The following TBPL2 variants were observed in gnomAD, a reference collection of about 807,000 sequenced individuals.
The protein encoded by TBPL2 is TATA box-binding protein-like 2.
A neutral mutation model predicts 38.2 loss-of-function variants in TBPL2; 40 were observed. The ratio of observed to expected loss-of-function variants is 1.05; its 90% CI spans 0.81 to 1.36. The LOEUF is 1.36. Among genes scored for constraint, TBPL2 ranks in the 40% most tolerant of loss-of-function variants. The pLI, the probability that TBPL2 is intolerant of heterozygous loss-of-function variation, is 0.00. For missense variants in TBPL2, 461 were observed against 456.7 expected, an observed-to-expected ratio of 1.01 and a Z score of -0.09; for synonymous variants, 169 against 171.7, an observed-to-expected ratio of 0.98 and a Z score of 0.12.
rs924710604 is a variant in TBPL2, at chr14:55,417,488, C to T, written c.1052-3033G>A. On this transcript the variant is annotated intron_variant, in intron 6 of 6. Coordinates refer to ENST00000247219, the Ensembl canonical transcript of TBPL2. The stretch of plus-strand genomic sequence containing the variant: ...AAAAAAAAAAAAAAAAAGTCTCGCT[C>T]GGTCACCCAGGCTGGAGTGCTGTGG... Among the ~76,000 whole-genome samples, 57 of 145,858 alleles carry T rather than the reference C, an allele frequency of 3.9e-4. 1 individual carries two copies. Among genetic ancestry groups the T allele is most frequent in the Non-Finnish European group, 9.0e-5 (6 of 66,978 alleles).
intron 3 of TBPL2, among the ~76,000 whole-genome samples, chr14:55,435,183 A>AT (rs1566594912): frequency 6.6e-6 from 1 of 152,254 alleles, no homozygotes; most frequent in Non-Finnish European, 1.5e-5. Context: ...GGAAAGATAC[A>AT]TAAGTGTCAG....
chr14:55,425,734 C>G (rs1206797641), intron 5 of TBPL2, among the ~76,000 whole-genome samples: 2 of 152,226 alleles, frequency 1.3e-5, no homozygotes, highest in African/African-American at 2.4e-5. Flanking sequence ...TACCCACCCC[C>G]AATTACATTA....
intron 3 of TBPL2, among the ~76,000 whole-genome samples, chr14:55,435,333 T>C (rs931453178): frequency 1.3e-5 from 2 of 150,712 alleles, no homozygotes; most frequent in Non-Finnish European, 2.9e-5. Flanking sequence ...TGGAATGTAA[T>C]GGCATGATCT....
At chr14:55,432,381 C>G (rs924192475) in intron 4 of TBPL2, among the ~76,000 whole-genome samples, 1 of 151,020 alleles carries the variant, frequency 6.6e-6, no homozygotes, top group Non-Finnish European at 1.5e-5. Flanking sequence ...CCACTGCACT[C>G]CATCCTGGAT....
intron 4 of TBPL2, among the ~76,000 whole-genome samples, chr14:55,431,109 A>G (rs1885918247): frequency 6.6e-6 from 1 of 152,252 alleles, no homozygotes; most frequent in African/African-American, 2.4e-5. Context: ...CTACGCAAAC[A>G]CAGGTATCCC....
intron 6 of TBPL2, among the ~76,000 whole-genome samples, chr14:55,414,815 G>A (rs181611576): frequency 1.1e-3 from 161 of 152,252 alleles, no homozygotes; most frequent in Admixed American, 6.7e-3. Context: ...TTTGATCCAC[G>A]TCCTCTCTAG....
chr14:55,424,684 T>C (rs1566591722), intron 5 of TBPL2, among the ~76,000 whole-genome samples: 1 of 152,244 alleles, frequency 6.6e-6, no homozygotes, highest in Non-Finnish European at 1.5e-5. Context: ...TTTTAGCAGA[T>C]AGAACCTAAA....
intron 6 of TBPL2, among the ~76,000 whole-genome samples, chr14:55,422,957 A>G (rs1043612099): frequency 2.6e-5 from 4 of 152,192 alleles, no homozygotes; most frequent in Non-Finnish European, 4.4e-5. Flanking sequence ...AAAAAGTGCT[A>G]TTTATGCAAA....
At chr14:55,436,016 T>A in intron 2 of TBPL2, 82 bp from the exon 3 acceptor site, 1 of 884,706 alleles carries the variant, frequency 1.1e-6, no homozygotes, top group Non-Finnish European at 1.7e-6. Context: ...TCTCATTTCT[T>A]AGGTTATACC....
At chr14:55,440,098 A>AAATCAATC (rs373713383) in intron 1 of TBPL2, among the ~76,000 whole-genome samples, 1,855 of 151,346 alleles carry the variant, frequency 0.012, 39 homozygotes, top group African/African-American at 0.042. Context: ...TCTCAGAGAA[A>AAATCAATC]AATCAATCAA....
intron 4 of TBPL2, 37 bp from the exon 5 acceptor site, chr14:55,429,011 C>A: frequency 6.2e-7 from 1 of 1,608,224 alleles, no homozygotes; most frequent in Non-Finnish European, 8.5e-7. Flanking sequence ...ATGTCTTAAT[C>A]GCTACATCCT....
At chr14:55,424,403 A>C (rs991175017) in intron 5 of TBPL2, 150 bp from the exon 6 acceptor site, 1 of 555,604 alleles carries the variant, frequency 1.8e-6, no homozygotes, top group Admixed American at 3.2e-5. Context: ...CTTGATGAAG[A>C]GTCTTGAGTG....
chr14:55,436,291 C>T (rs1192659157), intron 2 of TBPL2, among the ~76,000 whole-genome samples: 4 of 152,208 alleles, frequency 2.6e-5, no homozygotes, highest in African/African-American at 9.7e-5. Flanking sequence ...TCAGCAACTA[C>T]AGTGCTGTAG....
chr14:55,438,796 T>C (rs1243613037), intron 1 of TBPL2: 6 of 152,288 alleles, frequency 3.9e-5, no homozygotes, highest in African/African-American at 1.4e-4. Context: ...TCCACTTACC[T>C]TTCTCAGAAC....
At chr14:55,424,166 C>T (rs1885785255) in exon 6 of TBPL2, 4 of 1,611,676 alleles carry the variant, frequency 2.5e-6, no homozygotes, top group Non-Finnish European at 3.4e-6. Flanking sequence ...TACCTGTCAA[C>T]ACAACTTTTC....
chr14:55,439,037 A>G (rs2140182451), intron 1 of TBPL2: 1 of 151,252 alleles, frequency 6.6e-6, no homozygotes, highest in African/African-American at 2.4e-5. Context: ...TCCTGGATGC[A>G]AGCAATTCTC....
intron 4 of TBPL2, 120 bp from the exon 5 acceptor site, chr14:55,429,094 G>C: frequency 1.6e-6 from 2 of 1,270,150 alleles, no homozygotes; most frequent in Non-Finnish European, 2.2e-6. Context: ...CTATGAAGCT[G>C]TAGGCTTTGT....
At chr14:55,415,754 T>C (rs1885659169) in intron 6 of TBPL2, among the ~76,000 whole-genome samples, 1 of 151,624 alleles carries the variant, frequency 6.6e-6, no homozygotes, top group Non-Finnish European at 1.5e-5. Context: ...TCATCCTAGC[T>C]ATTTGGGAGG....
At chr14:55,427,821 C>T (rs896219806) in intron 5 of TBPL2, among the ~76,000 whole-genome samples, 1 of 141,018 alleles carries the variant, frequency 7.1e-6, no homozygotes, top group African/African-American at 3.0e-5. Context: ...GTGTTGCGGG[C>T]TGCAGCTATA....
Sources: gnomAD v4.1 joint callset for allele counts (sites outside exome capture counted in the v4.1 genomes callset) on GRCh38, gnomAD v4.1.1 for gene constraint, MANE v1.5 for transcripts, NCBI Gene and HGNC (gene_info 2026-07-23, HGNC 2026-07-21) for gene names.